Variants in TJP2 observed in about 807,000 individuals in gnomAD.
TJP2 encodes the protein Friedreich ataxia region gene X104 (tight junction protein ZO-2).
A neutral mutation model predicts 133.1 loss-of-function variants in TJP2; 91 were observed. The ratio of observed to expected loss-of-function variants is 0.68; its 90% CI spans 0.58 to 0.81. The LOEUF (loss-of-function observed/expected upper bound fraction) is 0.81. Ranked by LOEUF, TJP2 falls within the 40% of genes least tolerant of loss-of-function variation. The probability of loss-of-function intolerance (pLI) is 0.00; values close to 1 mark genes in which losing one functional copy is unlikely to be tolerated. For synonymous variants in TJP2, 592 were observed against 583.4 expected (o/e 1.01, Z -0.21); for missense variants, 1,541 against 1,565.6 (o/e 0.98, Z 0.26).
intron 1 of TJP2, among the ~76,000 whole-genome samples, chr9:69,206,569 AT>A (rs1827426107): frequency 6.6e-6 from 1 of 150,670 alleles, no homozygotes; most frequent in Non-Finnish European, 1.5e-5. Context: ...TTATTTATTT[AT>A]TTATTTAATT....
Position 69,190,089 on chromosome 9 carries a change from A to G in TJP2, c.60+15657A>G, listed in dbSNP as rs1448694958. 2.6e-5 allele frequency among the ~76,000 whole-genome samples: 4 copies of G among 151,450 alleles called. 1 individual carries two copies. The highest frequency in any genetic ancestry group is 5.9e-5 in the Non-Finnish European group (4 of 67,894). On this transcript the variant is annotated intron_variant, in intron 1 of 22. Coordinates refer to ENST00000377245, the MANE Select transcript of TJP2 (RefSeq NM_004817.4). ...GGCGCCACTGCACTCCAGCCTGGGC[A>G]ACAGAGCGAGACTCTGTCTCAAAAA... is the stretch of plus-strand genomic sequence containing the variant.
chr9:69,139,991 T>C (rs1456140148), intron 1 of TJP2, among the ~76,000 whole-genome samples: 1 of 152,082 alleles, frequency 6.6e-6, no homozygotes, highest in Non-Finnish European at 1.5e-5. Flanking sequence ...GCCGTGAGCG[T>C]TGGGGGCAGG....
At chr9:69,239,107 T>G (rs1012818193) in intron 16 of TJP2, among the ~76,000 whole-genome samples, 9 of 152,206 alleles carry the variant, frequency 5.9e-5, no homozygotes, top group Admixed American at 2.6e-4. Context: ...GAGAATCGCT[T>G]GAACTCAGGA....
intron 1 of TJP2, among the ~76,000 whole-genome samples, chr9:69,147,426 G>A (rs1328685079): frequency 3.3e-5 from 5 of 152,128 alleles, no homozygotes; most frequent in Non-Finnish European, 7.3e-5. Flanking sequence ...GATGCAAGCC[G>A]TGGCCTATAT....
intron 1 of TJP2, among the ~76,000 whole-genome samples, chr9:69,176,263 T>C (rs918156995): frequency 6.6e-6 from 1 of 151,934 alleles, no homozygotes; most frequent in African/African-American, 2.4e-5. Flanking sequence ...CCGGGCTGAG[T>C]GAGGTCTGAA....
intron 2 of TJP2, 82 bp from the exon 3 acceptor site, chr9:69,216,257 C>G (rs1021956683): frequency 6.4e-7 from 1 of 1,556,674 alleles, no homozygotes; most frequent in African/African-American, 1.4e-5. Context: ...TTGATTTGAC[C>G]TTTATTTTAT....
At chr9:69,121,725 G>A (rs1216418064) in exon 1 of TJP2, 2 of 152,270 alleles carry the variant, frequency 1.3e-5, no homozygotes, top group Admixed American at 6.6e-5. Flanking sequence ...ACCGGCTCTA[G>A]GCAAGTACCC....
intron 5 of TJP2, 147 bp downstream of exon 5, chr9:69,221,643 T>G: frequency 9.0e-7 from 1 of 1,112,688 alleles, no homozygotes; most frequent in Non-Finnish European, 1.3e-6. Context: ...AACCTCCACC[T>G]CCCGGGTTCA....
At chr9:69,232,489 T>G (rs547150154) in intron 11 of TJP2, among the ~76,000 whole-genome samples, 1 of 152,336 alleles carries the variant, frequency 6.6e-6, no homozygotes, top group South Asian at 2.1e-4. Flanking sequence ...CCTAGCCTTT[T>G]TTCACTTTAA....
intron 2 of TJP2, among the ~76,000 whole-genome samples, chr9:69,167,879 AAAAG>A (rs1442592778): frequency 1.2e-4 from 18 of 152,100 alleles, no homozygotes; most frequent in East Asian, 1.9e-4. Context: ...AAAAAAAAAA[AAAAG>A]AAGAAGAAGA....
chr9:69,235,247 G>T (rs1233674079), intron 12 of TJP2, among the ~76,000 whole-genome samples: 1 of 152,134 alleles, frequency 6.6e-6, no homozygotes, highest in African/African-American at 2.4e-5. Context: ...AAGAGCTGAT[G>T]TCGCCTTTTG....
At chr9:69,138,956 A>G (rs1317066324) in intron 1 of TJP2, among the ~76,000 whole-genome samples, 1 of 141,674 alleles carries the variant, frequency 7.1e-6, no homozygotes, top group Non-Finnish European at 1.5e-5. Context: ...GCTCGGGCCT[A>G]TAATCCCAGC....
Position 69,197,516 on chromosome 9 carries a change from T to C in TJP2, c.61-15032T>C, listed in dbSNP as rs549071582. ...GATGTACTTGTTGGTTTTGTTTTTC[T>C]TTTTTTCTACCATGTGTTCGTAATG... On this transcript the variant is annotated intron_variant, in intron 1 of 22. Coordinates refer to ENST00000377245, the MANE Select transcript of TJP2 (RefSeq NM_004817.4). Among the ~76,000 whole-genome samples the C allele has an allele frequency of 2.6e-5, 4 of 152,304 alleles. No individual in the cohort carries two copies. The South Asian group carries it at 8.3e-4, about 32-fold the overall frequency.
chr9:69,163,456 C>T (rs886802322), intron 2 of TJP2, among the ~76,000 whole-genome samples: 4 of 152,006 alleles, frequency 2.6e-5, no homozygotes, highest in Non-Finnish European at 4.4e-5. Flanking sequence ...GGTAACATGG[C>T]GAAACCCCAT....
At chr9:69,210,299 CAAA>C (rs3067182) in intron 1 of TJP2, among the ~76,000 whole-genome samples, 2,380 of 28,294 alleles carry the variant, frequency 0.084, 36 homozygotes, top group Non-Finnish European at 0.1. Flanking sequence ...CCCCCCCCCC[CAAA>C]AAAAAAAAAA....
intron 2 of TJP2, among the ~76,000 whole-genome samples, chr9:69,215,211 G>C (rs1047659483): frequency 6.6e-6 from 1 of 152,100 alleles, no homozygotes; most frequent in Non-Finnish European, 1.5e-5. Flanking sequence ...ACTACTTCTT[G>C]GGTACTGTGT....
chr9:69,154,983 C>T lies in TJP2; in HGVS notation c.-10+3212C>T, dbSNP rs555483971. 9.2e-5 allele frequency among the ~76,000 whole-genome samples: 14 copies of T among 151,780 alleles called. No individual in the cohort carries two copies. In the South Asian group the frequency reaches 2.7e-3, roughly 29 times the overall value. ...CTGTAATCCTAGCACTTTGGGAGGC[C>T]GATGTGGGTGGATCACCTGAGGTCA... On this transcript the variant is annotated intron_variant, in intron 2 of 5. Transcript: ENST00000423935.
rs749647498 is a variant in TJP2, at chr9:69,237,928, A to G, written c.2230A>G (p.Met744Val). 1.9e-5 allele frequency: 31 copies of G among 1,613,996 alleles called. No homozygotes were observed. Among genetic ancestry groups the G allele is most frequent in the Non-Finnish European group, 2.6e-5 (31 of 1,179,932 alleles). Residue 744 changes from methionine to valine, a missense_variant, in exon 15 of 23, where the codon ATG becomes GTG. Transcript: ENST00000377245. ...ATTCGGCCCCATAGCTGATATAGCAATGGAAAAATTGGCTAATGAGTTACC... is the reference window on the plus strand; with the variant it reads ...ATTCGGCCCCATAGCTGATATAGCAGTGGAAAAATTGGCTAATGAGTTACC... ...VLFGPIADIAMEKLANELPDW... is the reference protein window; with the variant it reads ...VLFGPIADIAVEKLANELPDW...
chr9:69,170,875 C>T (rs1420255490), upstream of TJP2, among the ~76,000 whole-genome samples: 1 of 152,170 alleles, frequency 6.6e-6, no homozygotes, highest in African/African-American at 2.4e-5. Context: ...TAATCTACAT[C>T]ACGTCTCTGA....
Sources: allele counts gnomAD v4.1 joint callset (sites outside exome capture counted in the v4.1 genomes callset), GRCh38; gene constraint gnomAD v4.1.1; transcripts MANE v1.5; gene names NCBI Gene and HGNC (gene_info 2026-07-23, HGNC 2026-07-21).